Variants in DSCAM observed in about 807,000 individuals in gnomAD.
DSCAM encodes the protein DS cell adhesion molecule.
DSCAM carries 47 observed loss-of-function variants against 217.7 expected under a neutral mutation model. The observed-to-expected ratio is 0.22, with a 90% CI of 0.17 to 0.28. DSCAM has a LOEUF of 0.28. Among genes scored for constraint, DSCAM ranks in the 10% least tolerant of loss-of-function variants. DSCAM has a pLI of 1.00. For synonymous variants in DSCAM, 1,056 were observed against 1,015.3 expected, an observed-to-expected ratio of 1.04 and a Z score of -0.76; for missense variants, 2,080 against 2,618.3, an observed-to-expected ratio of 0.79 and a Z score of 4.49.
intron 3 of DSCAM, among the ~76,000 whole-genome samples, chr21:40,496,658 A>T (rs2076120855): frequency 6.6e-6 from 1 of 152,138 alleles, no homozygotes; most frequent in African/African-American, 2.4e-5. Context: ...GGATTATATC[A>T]ACTTAAAAAG....
intron 30 of DSCAM, among the ~76,000 whole-genome samples, chr21:40,047,485 G>C (rs1165593448): frequency 6.6e-6 from 1 of 152,176 alleles, no homozygotes; most frequent in Admixed American, 6.5e-5. Flanking sequence ...ATAGCTCATG[G>C]CCTTTCAACA....
intron 1 of DSCAM, among the ~76,000 whole-genome samples, chr21:40,723,809 A>G (rs1263910691): frequency 6.6e-6 from 1 of 152,214 alleles, no homozygotes; most frequent in African/African-American, 2.4e-5. Context: ...GAGGTGCTAT[A>G]AGAACACACT....
intron 20 of DSCAM, among the ~76,000 whole-genome samples, chr21:40,117,001 C>CA (rs534100380): frequency 0.3 from 9,866 of 33,134 alleles, 3,142 homozygotes; most frequent in Non-Finnish European, 0.38. Flanking sequence ...GACTCTGTCT[C>CA]AAAAAAAAAA....
At chr21:40,381,280 A>G (rs1316681361) in intron 3 of DSCAM, among the ~76,000 whole-genome samples, 1 of 152,086 alleles carries the variant, frequency 6.6e-6, no homozygotes, top group African/African-American at 2.4e-5. Context: ...AATTGAAAGT[A>G]GCCCTTTATA....
At chr21:40,731,733 C>CG (rs977032042) in intron 1 of DSCAM, among the ~76,000 whole-genome samples, 2 of 122,350 alleles carry the variant, frequency 1.6e-5, no homozygotes, top group African/African-American at 3.0e-5. Context: ...ACTGCACCCC[C>CG]CCCCCCGCCC....
intron 11 of DSCAM, among the ~76,000 whole-genome samples, chr21:40,234,521 C>G (rs1459117776): frequency 6.6e-6 from 1 of 152,158 alleles, no homozygotes; most frequent in Non-Finnish European, 1.5e-5. Flanking sequence ...GTGGCTGGTT[C>G]TTGAACTTTT....
chr21:40,240,458 T>C (rs1267720061), intron 11 of DSCAM, among the ~76,000 whole-genome samples: 1 of 143,144 alleles, frequency 7.0e-6, no homozygotes, highest in Non-Finnish European at 1.5e-5. Context: ...TGCAAATACA[T>C]CTTGGATTAC....
chr21:40,624,018 C>T (rs75537254), intron 3 of DSCAM, among the ~76,000 whole-genome samples: 118 of 152,212 alleles, frequency 7.8e-4, no homozygotes, highest in Non-Finnish European at 1.4e-3. Flanking sequence ...CTTCATATGG[C>T]GATAAGTCTT....
At chr21:40,763,518 C>T (rs1029716030) in intron 1 of DSCAM, among the ~76,000 whole-genome samples, 5 of 152,110 alleles carry the variant, frequency 3.3e-5, no homozygotes, top group African/African-American at 1.2e-4. Flanking sequence ...GGCAATACTG[C>T]CCAAAATAAT....
chr21:40,302,366 C>T (rs1194444947), intron 9 of DSCAM, among the ~76,000 whole-genome samples: 6 of 152,060 alleles, frequency 3.9e-5, no homozygotes, highest in African/African-American at 1.4e-4. Context: ...AAGGGGATTT[C>T]CCCTGCACAA....
chr21:40,368,217 C>T (rs1266260391), intron 4 of DSCAM, among the ~76,000 whole-genome samples: 2 of 152,126 alleles, frequency 1.3e-5, no homozygotes, highest in Non-Finnish European at 2.9e-5. Context: ...TAGAAAATTT[C>T]TCTTTAACAC....
chr21:40,423,578 C>A (rs1300053724), intron 3 of DSCAM, among the ~76,000 whole-genome samples: 2 of 152,206 alleles, frequency 1.3e-5, no homozygotes, highest in Non-Finnish European at 2.9e-5. Context: ...GCTTCAGTCT[C>A]TTCCAAGTGT....
At position 40,436,157 on chromosome 21, in the gene DSCAM, G is replaced by A. The variant is rs531409662; in HGVS notation, c.509-66912C>T. Among the ~76,000 whole-genome samples, 12 of 152,292 alleles carry A rather than the reference G, an allele frequency of 7.9e-5. No individual in the cohort carries two copies. The East Asian group carries it at 1.9e-3, about 25-fold the overall frequency. On this transcript the variant is annotated intron_variant, in intron 3 of 32. Coordinates refer to ENST00000400454, the MANE Select transcript of DSCAM (RefSeq NM_001389.5). ...TTATCAGGACATAACCCCATCATAA[G>A]TCAGGGAGCATCTGTACTGTGGAAT...
chr21:40,477,412 A>G (rs1320482882), intron 3 of DSCAM, among the ~76,000 whole-genome samples: 11 of 152,322 alleles, frequency 7.2e-5, no homozygotes, highest in Non-Finnish European at 1.3e-4. Context: ...ATTTTTTCTG[A>G]TCGTCTTTTC....
intron 1 of DSCAM, among the ~76,000 whole-genome samples, chr21:40,733,244 T>C (rs988052563): frequency 7.9e-5 from 12 of 152,124 alleles, no homozygotes; most frequent in Non-Finnish European, 1.3e-4. Flanking sequence ...AACCAGGAGC[T>C]TGGAAAGAAC....
At chr21:40,380,880 G>A (rs1043859345) in intron 3 of DSCAM, among the ~76,000 whole-genome samples, 26 of 151,764 alleles carry the variant, frequency 1.7e-4, no homozygotes, top group Non-Finnish European at 1.8e-4. Flanking sequence ...TGGCTAACAC[G>A]GTGAAACCCC....
At chr21:40,057,716 G>C (rs2089048324) in intron 28 of DSCAM, among the ~76,000 whole-genome samples, 1 of 152,052 alleles carries the variant, frequency 6.6e-6, no homozygotes, top group South Asian at 2.1e-4. Flanking sequence ...CTGCGAACCA[G>C]GACAACCAAG....
chr21:40,521,565 A>G (rs576676120), intron 3 of DSCAM, among the ~76,000 whole-genome samples: 4 of 151,460 alleles, frequency 2.6e-5, no homozygotes, highest in African/African-American at 9.7e-5. Flanking sequence ...CTTCTTTTTA[A>G]TTTTTTTTGC....
At chr21:40,207,048 T>C (rs1255799947) in intron 11 of DSCAM, among the ~76,000 whole-genome samples, 1 of 152,192 alleles carries the variant, frequency 6.6e-6, no homozygotes, top group Non-Finnish European at 1.5e-5. Flanking sequence ...TGCATCCTGC[T>C]AAAGATTCTG....
Sources: allele counts gnomAD v4.1 joint callset (sites outside exome capture counted in the v4.1 genomes callset), GRCh38; gene constraint gnomAD v4.1.1; transcripts MANE v1.5; gene names NCBI Gene and HGNC (gene_info 2026-07-23, HGNC 2026-07-21).